SCN2A: variants seen among roughly 807,000 people sequenced by gnomAD.
SCN2A encodes the protein sodium voltage-gated channel alpha subunit 2, also known as sodium channel protein type 2 subunit alpha.
SCN2A carries 20 observed loss-of-function variants against 188.7 expected under a neutral mutation model. The observed-to-expected ratio is 0.11, with a 90% CI of 0.07 to 0.15. The LOEUF (loss-of-function observed/expected upper bound fraction) is 0.15, where lower values mean the gene tolerates loss of function less well. Among genes scored for constraint, SCN2A ranks in the 10% least tolerant of loss-of-function variants. The pLI, the probability that SCN2A is intolerant of heterozygous loss-of-function variation, is 1.00. For synonymous variants in SCN2A, 804 were observed against 833.1 expected, an observed-to-expected ratio of 0.97 and a Z score of 0.60; for missense variants, 1,278 against 2,445.0, an observed-to-expected ratio of 0.52 and a Z score of 10.07.
intron 20 of SCN2A, chr2:165,371,584 C>T (rs969514313): frequency 6.6e-6 from 1 of 152,034 alleles, no homozygotes; most frequent in East Asian, 1.9e-4. Flanking sequence ...AACACGGATT[C>T]GTTAAAACGT....
intron 25 of SCN2A, among the ~76,000 whole-genome samples, chr2:165,383,678 T>TA (rs1322851165): frequency 6.6e-6 from 1 of 152,144 alleles, no homozygotes; most frequent in East Asian, 1.9e-4. Flanking sequence ...TGCAGATTAA[T>TA]AAAAGTGGAT....
chr2:165,291,295 C>T (rs1696098306), intron 1 of SCN2A, among the ~76,000 whole-genome samples: 2 of 151,682 alleles, frequency 1.3e-5, no homozygotes, highest in South Asian at 4.2e-4. Flanking sequence ...CTGCCTGCTT[C>T]GGCCTCCCAG....
At chr2:165,336,231 G>A (rs981152450) in intron 14 of SCN2A, among the ~76,000 whole-genome samples, 7 of 151,726 alleles carry the variant, frequency 4.6e-5, no homozygotes, top group Non-Finnish European at 8.9e-5. Flanking sequence ...ACATGACCTG[G>A]CAGTTTTACT....
intron 14 of SCN2A, among the ~76,000 whole-genome samples, chr2:165,336,242 A>T (rs576231154): frequency 6.6e-6 from 1 of 151,942 alleles, no homozygotes; most frequent in African/African-American, 2.4e-5. Flanking sequence ...CAGTTTTACT[A>T]ATTTCTTCGG....
intron 17 of SCN2A, among the ~76,000 whole-genome samples, chr2:165,363,890 C>G (rs1449227014): frequency 6.6e-6 from 1 of 152,052 alleles, no homozygotes; most frequent in East Asian, 1.9e-4. Context: ...GTACAAGAGA[C>G]AAAAGCATTT....
Position 165,389,132 on chromosome 2 carries a change from C to T in SCN2A, c.5326C>T (p.Leu1776=), listed in dbSNP as rs138123155. 1,519 of 1,614,030 alleles carry T rather than the reference C, an allele frequency of 9.4e-4. 15 individuals carry two copies. The African/African-American group carries it at 0.018, about 19-fold the overall frequency. Residue 1776 remains leucine (L), a synonymous_variant, in exon 27 of 27, where the codon CTG becomes TTG. Coordinates refer to ENST00000375437, the MANE Select transcript of SCN2A (RefSeq NM_001040142.2). The surrounding 1 kb of genome is among the most constrained non-coding windows in gnomAD (Gnocchi z 4.2). The part of the protein sequence containing the change: ...VVVNMYIAVI[L]ENFSVATEES... ...GGTGAACATGTACATCGCGGTCATC[C>T]TGGAGAACTTCAGTGTTGCTACTGA...
chr2:165,385,235 G>A (rs1194605622), intron 25 of SCN2A, among the ~76,000 whole-genome samples: 1 of 152,108 alleles, frequency 6.6e-6, no homozygotes, highest in Non-Finnish European at 1.5e-5. Context: ...GGGAAAGCAA[G>A]CCATTAGGTG....
chr2:165,357,804 G>T (rs979416821), intron 17 of SCN2A, among the ~76,000 whole-genome samples: 2 of 152,208 alleles, frequency 1.3e-5, no homozygotes, highest in South Asian at 4.1e-4. Context: ...CATCAAGAAT[G>T]CAGCTCTGGT....
intron 1 of SCN2A, among the ~76,000 whole-genome samples, chr2:165,291,422 G>GTT (rs1696130918): frequency 2.1e-5 from 2 of 94,912 alleles, no homozygotes; most frequent in African/African-American, 8.1e-5. Flanking sequence ...CTTCCTCCCT[G>GTT]TCTGTCTTTC....
At chr2:165,305,149 C>T (rs765725211) in intron 3 of SCN2A, among the ~76,000 whole-genome samples, 2 of 152,146 alleles carry the variant, frequency 1.3e-5, no homozygotes, top group Admixed American at 1.3e-4. Context: ...TAGATATGAA[C>T]GTTTAAGGGG....
intron 16 of SCN2A, among the ~76,000 whole-genome samples, chr2:165,353,942 A>C (rs1391124549): frequency 1.3e-5 from 2 of 152,152 alleles, no homozygotes; most frequent in African/African-American, 4.8e-5. Flanking sequence ...GCTTAATAGA[A>C]ATGTTTCATT....
chr2:165,330,745 T>G (rs1482593961), intron 13 of SCN2A, among the ~76,000 whole-genome samples: 1 of 152,150 alleles, frequency 6.6e-6, no homozygotes, highest in African/African-American at 2.4e-5. Context: ...GTATTTTCTC[T>G]TCTTTTATGC....
rs750814519 is a variant in SCN2A at position 165,307,896 on chromosome 2, T to A, written c.435T>A (p.Phe145Leu). Residue 145 changes from phenylalanine to leucine, a missense_variant, in exon 4 of 27, where the codon TTT (phenylalanine) becomes TTA (leucine). Phe to Leu is a conservative substitution (Grantham distance 22). Around this residue, in one of 17 missense-constraint regions of SCN2A, gnomAD observed 141 missense variants for 185.4 expected, o/e 0.76. Transcript: ENST00000375437. ...IMCTILTNCVFMTMSNPPDWT... is the reference protein window; with the variant it reads ...IMCTILTNCVLMTMSNPPDWT... The stretch of plus-strand genomic sequence containing the variant: ...GCACGATTCTTACCAACTGTGTATT[T>A]ATGACCATGAGTAACCCTCCAGACT... 1 of 1,611,580 alleles carries A rather than the reference T, an allele frequency of 6.2e-7. No individual in the cohort carries two copies. Among genetic ancestry groups the A allele is most frequent in the Non-Finnish European group, 8.5e-7 (1 of 1,177,818 alleles).
At chr2:165,250,656 T>C (rs995960380) in intron 1 of SCN2A, among the ~76,000 whole-genome samples, 6 of 151,982 alleles carry the variant, frequency 3.9e-5, no homozygotes, top group African/African-American at 1.4e-4. Context: ...CACACACATA[T>C]ACACAGCCTA....
At chr2:165,306,507 TGTGTGTGTGTGTG>T (rs1697143088) in intron 3 of SCN2A, among the ~76,000 whole-genome samples, 36 of 644 alleles carry the variant, frequency 0.056, no homozygotes, top group South Asian at 0.12. Context: ...TGGTATTTTG[TGTGTGTGTGTGTG>T]TGTGTGTGTG....
At chr2:165,334,916 C>A (rs764672871) in intron 14 of SCN2A, among the ~76,000 whole-genome samples, 17 of 151,190 alleles carry the variant, frequency 1.1e-4, no homozygotes, top group Non-Finnish European at 2.4e-4. Context: ...AATAAGATTG[C>A]AGAATACAAG....
At chr2:165,352,902 C>A (rs182473012) in intron 16 of SCN2A, among the ~76,000 whole-genome samples, 1 of 152,088 alleles carries the variant, frequency 6.6e-6, no homozygotes, top group East Asian at 1.9e-4. Context: ...TGTGCATTTG[C>A]CCCCCTTTAC....
chr2:165,306,535 T>C (rs909198036), intron 3 of SCN2A, among the ~76,000 whole-genome samples: 1 of 141,796 alleles, frequency 7.1e-6, no homozygotes, highest in African/African-American at 2.5e-5. Flanking sequence ...TGTGTGTGTG[T>C]GTGTGTGTGT....
chr2:165,345,676 T>C (rs1270695700), intron 16 of SCN2A, among the ~76,000 whole-genome samples: 1 of 152,144 alleles, frequency 6.6e-6, no homozygotes, highest in Non-Finnish European at 1.5e-5. Context: ...TGCCAGTCTG[T>C]GTCTTTTAAT....
Sources: gnomAD v4.1 joint callset for allele counts (sites outside exome capture counted in the v4.1 genomes callset) on GRCh38, gnomAD v4.1.1 for gene constraint, gnomAD v4.1.1 regional missense constraint, Gnocchi (gnomAD v3.1) non-coding constraint, MANE v1.5 for transcripts, NCBI Gene and HGNC (gene_info 2026-07-23, HGNC 2026-07-21) for gene names.